The following SDK2 variants were observed in gnomAD, a reference collection of about 807,000 sequenced individuals.
The protein encoded by SDK2 is protein sidekick-2.
SDK2 carries 105 observed loss-of-function variants against 253.9 expected under a neutral mutation model. The observed-to-expected ratio is 0.41, with a 90% CI of 0.35 to 0.49. SDK2 has a LOEUF of 0.49. SDK2 is among the 20% of genes least tolerant of loss of function. SDK2 has a pLI of 0.06. For missense variants in SDK2, 2,608 were observed against 3,003.0 expected, an observed-to-expected ratio of 0.87 and a Z score of 3.07; for synonymous variants, 1,249 against 1,234.9, an observed-to-expected ratio of 1.01 and a Z score of -0.24.
In SDK2 at chr17:73,643,933, G is replaced by A; in HGVS notation, c.64+92C>T. 1 of 1,128,366 alleles carries A rather than the reference G, an allele frequency of 8.9e-7. No homozygotes were observed. The highest frequency in any genetic ancestry group is 1.3e-6 in the Non-Finnish European group (1 of 771,520). 69.9% of individuals were successfully genotyped at this position (1,128,366 alleles called of 1,614,324 possible). The stretch of plus-strand genomic sequence containing the variant: ...TGCCACGGCTAAGCCGGGTGTCCAG[G>A]AGGTCACCGTGAGGCCGGCCAGCTC... On this transcript the variant is annotated intron_variant, in intron 1 of 44. Transcript: ENST00000392650. This position sits in a 1 kb window ranked among gnomAD's most constrained non-coding sequence, Gnocchi z 6.9.
chr17:73,545,921 G>T (rs1167265022), intron 1 of SDK2, among the ~76,000 whole-genome samples: 2 of 152,170 alleles, frequency 1.3e-5, no homozygotes, highest in Admixed American at 1.3e-4. Flanking sequence ...CAAGTTAGGA[G>T]GTGGCCAGGG....
chr17:73,361,639 C>T lies in SDK2; in HGVS notation c.5467+45G>A. The T allele has an allele frequency of 6.3e-7, 1 of 1,584,258 alleles. No homozygotes were observed. Among genetic ancestry groups the T allele is most frequent in the Non-Finnish European group, 8.6e-7 (1 of 1,157,100 alleles). ...CGGGGGCCCCTTCTGACTGGGGACG[C>T]TGAACCGCCGTGTGGAAGACATGCC... On this transcript the variant is annotated intron_variant, in intron 39 of 44. Transcript: ENST00000392650. The surrounding 1 kb of genome is among the most constrained non-coding windows in gnomAD (Gnocchi z 4.1).
intron 1 of SDK2, among the ~76,000 whole-genome samples, chr17:73,557,090 A>G (rs9896128): frequency 6.6e-6 from 1 of 152,230 alleles, no homozygotes; most frequent in African/African-American, 2.4e-5. Flanking sequence ...CTGGCTGTAT[A>G]AAACCGAGCA....
intron 1 of SDK2, among the ~76,000 whole-genome samples, chr17:73,527,432 G>A (rs1229254592): frequency 6.6e-6 from 1 of 152,228 alleles, no homozygotes; most frequent in Admixed American, 6.5e-5. Context: ...GGGAACAGCA[G>A]GGTAGGGAGT....
chr17:73,514,130 G>C (rs1447539493), intron 1 of SDK2, among the ~76,000 whole-genome samples: 1 of 152,086 alleles, frequency 6.6e-6, no homozygotes, highest in Non-Finnish European at 1.5e-5. Context: ...CTGTTCACAG[G>C]GTGATCCCAT....
chr17:73,602,013 G>C (rs2045848880), intron 1 of SDK2, among the ~76,000 whole-genome samples: 1 of 152,218 alleles, frequency 6.6e-6, no homozygotes, highest in South Asian at 2.1e-4. Flanking sequence ...CAAAGTGCTG[G>C]GATTACAGGC....
chr17:73,347,781 T>C (rs201130787), intron 44 of SDK2, among the ~76,000 whole-genome samples: 20 of 45,708 alleles, frequency 4.4e-4, no homozygotes, highest in African/African-American at 1.6e-3. Flanking sequence ...CACAGCCCCT[T>C]CCCCACACAG....
chr17:73,626,491 C>G (rs1291805281), intron 1 of SDK2, among the ~76,000 whole-genome samples: 6 of 152,178 alleles, frequency 3.9e-5, no homozygotes, highest in Non-Finnish European at 5.9e-5. Context: ...AGGAAAAGGC[C>G]AAGTGGATTG....
chr17:73,361,570 C>G lies in SDK2; in HGVS notation c.5467+114G>C. 9.4e-7 allele frequency: 1 copy of G among 1,059,490 alleles called. No homozygotes were observed. Among genetic ancestry groups the G allele is most frequent in the African/African-American group, 1.6e-5 (1 of 64,372 alleles). The allele number at this position is 1,059,490 out of a possible 1,614,324, so 65.6% of individuals were successfully genotyped here. A position where few individuals can be genotyped will look rare whatever the true frequency, so the allele number is the denominator to read the frequency against. ...TGGGCACCAGGGGAAAGAGTGAGCT[C>G]TGTCCTCCACTCTGTTTCCAGGGTC... On this transcript the variant is annotated intron_variant, in intron 39 of 44. Transcript: ENST00000392650. This position sits in a 1 kb window ranked among gnomAD's most constrained non-coding sequence, Gnocchi z 4.1.
At position 73,447,682 on chromosome 17, in the gene SDK2, A is replaced by G; in HGVS notation, c.546T>C (p.Tyr182=). The part of the protein sequence containing the change: ...STVAPDAGRY[Y]VQAVNDKNGD... ...CGTTTTTGTCGTTAACAGCCTGCAC[A>G]TAGTAGCGACCTGCGTCAGGGGCCA... The change falls in exon 5 of 45, where the codon TAT becomes TAC. Residue 182 remains tyrosine (Y), a synonymous_variant. Coordinates refer to ENST00000392650, the MANE Select transcript of SDK2 (RefSeq NM_001144952.2). This position sits in a 1 kb window ranked among gnomAD's most constrained non-coding sequence, Gnocchi z 4.0. 6.4e-7 allele frequency: 1 copy of G among 1,551,732 alleles called. No individual in the cohort carries two copies. Among genetic ancestry groups the G allele is most frequent in the Non-Finnish European group, 8.7e-7 (1 of 1,146,988 alleles).
At position 73,443,565 on chromosome 17, in the gene SDK2, C is replaced by T. The variant is rs1015422497; in HGVS notation, c.614-2642G>A. Among the ~76,000 whole-genome samples the T allele has an allele frequency of 1.3e-5, 2 of 152,176 alleles. No homozygotes were observed. Among genetic ancestry groups the T allele is most frequent in the African/African-American group, 4.8e-5 (2 of 41,448 alleles). The stretch of plus-strand genomic sequence containing the variant: ...AAGGCGAGTTCTGAGTTTAAAAATA[C>T]GAGGGCTGCCCCAGGGCTCAGGGCT... On this transcript the variant is annotated intron_variant, in intron 5 of 44. Coordinates refer to ENST00000392650, the MANE Select transcript of SDK2 (RefSeq NM_001144952.2). The surrounding 1 kb of genome is among the most constrained non-coding windows in gnomAD (Gnocchi z 4.6).
chr17:73,630,898 G>A (rs888017445), intron 1 of SDK2, among the ~76,000 whole-genome samples: 2 of 151,988 alleles, frequency 1.3e-5, no homozygotes, highest in African/African-American at 2.4e-5. Context: ...GAAGCAGAAC[G>A]GTGTTCCTTC....
At chr17:73,425,607 A>G (rs2063275033) in intron 12 of SDK2, among the ~76,000 whole-genome samples, 1 of 152,268 alleles carries the variant, frequency 6.6e-6, no homozygotes, top group South Asian at 2.1e-4. Context: ...TCCCAGGTTC[A>G]AGTGATTTTC....
chr17:73,513,723 C>A (rs984651919), intron 1 of SDK2: 1 of 152,202 alleles, frequency 6.6e-6, no homozygotes, highest in Non-Finnish European at 1.5e-5. Flanking sequence ...CTTAAAGAAA[C>A]GATTGTCCCT....
At position 73,397,186 on chromosome 17, in the gene SDK2, T is replaced by C. The variant is rs2062977898; in HGVS notation, c.3354+849A>G. On this transcript the variant is annotated intron_variant, in intron 24 of 44. Coordinates refer to ENST00000392650, the MANE Select transcript of SDK2 (RefSeq NM_001144952.2). ...CTGGATTCTCTATGGAGCTGTGGTA[T>C]GTGGTGCTGTTCCCACATTTATTTG... Among the ~76,000 whole-genome samples, 5 of 152,304 alleles carry C rather than the reference T, an allele frequency of 3.3e-5. No homozygotes were observed. In the South Asian group the frequency reaches 1.0e-3, roughly 32 times the overall value.
intron 3 of SDK2, among the ~76,000 whole-genome samples, chr17:73,466,299 A>G (rs541926800): frequency 1.3e-5 from 2 of 152,336 alleles, no homozygotes; most frequent in South Asian, 2.1e-4. Context: ...AGTGCCGTCC[A>G]GTCTGGGGAC....
chr17:73,640,268 G>C (rs984729094), intron 1 of SDK2, among the ~76,000 whole-genome samples: 32 of 151,712 alleles, frequency 2.1e-4, no homozygotes, highest in Non-Finnish European at 4.3e-4. Flanking sequence ...GTGTGTGTGT[G>C]GGGGGGTCGA....
chr17:73,628,349 C>G (rs1484211303), intron 1 of SDK2, among the ~76,000 whole-genome samples: 1 of 152,232 alleles, frequency 6.6e-6, no homozygotes, highest in Non-Finnish European at 1.5e-5. Flanking sequence ...AGCTGCTGGG[C>G]TCTCTGTGTC....
intron 1 of SDK2, chr17:73,520,198 G>T (rs933232820): frequency 6.6e-6 from 1 of 152,314 alleles, no homozygotes; most frequent in Non-Finnish European, 1.5e-5. Flanking sequence ...TCACCCATCT[G>T]GGGCTGCACC....
Sources: gnomAD v4.1 joint callset for allele counts (sites outside exome capture counted in the v4.1 genomes callset) on GRCh38, gnomAD v4.1.1 for gene constraint, Gnocchi (gnomAD v3.1) non-coding constraint, MANE v1.5 for transcripts, NCBI Gene and HGNC (gene_info 2026-07-23, HGNC 2026-07-21) for gene names.